MRNIP: variants seen among roughly 807,000 people sequenced by gnomAD.
The protein encoded by MRNIP is MRN complex-interacting protein.
Under a neutral mutation model 29.8 loss-of-function variants are expected in MRNIP, and 30 were observed. That is an observed-to-expected ratio of 1.01 (90% CI 0.75 to 1.36). MRNIP has a LOEUF of 1.36. Among genes scored for constraint, MRNIP ranks in the 40% most tolerant of loss-of-function variants. The pLI is 0.00. For missense variants in MRNIP, 459 were observed against 423.5 expected (o/e 1.08, Z -0.74); for synonymous variants, 201 against 164.1 (o/e 1.23, Z -1.72).
intron 1 of MRNIP, among the ~76,000 whole-genome samples, chr5:179,854,019 ATTT>A (rs543395166): frequency 1.2e-4 from 14 of 121,196 alleles, no homozygotes; most frequent in Admixed American, 1.7e-4. Context: ...GCCTGAAATA[ATTT>A]TTTTTTTTTT....
At chr5:179,843,081 G>GGGAGGCAGGCAA (rs1554093140) in intron 4 of MRNIP, among the ~76,000 whole-genome samples, 7 of 146,080 alleles carry the variant, frequency 4.8e-5, no homozygotes, top group Non-Finnish European at 1.1e-4. Context: ...GAGGGAGGGA[G>GGGAGGCAGGCAA]GCAGGCAAGC....
At chr5:179,858,601 C>T (rs1759703408) in intron 1 of MRNIP, 130 bp downstream of exon 1, 2 of 605,300 alleles carry the variant, frequency 3.3e-6, no homozygotes, top group South Asian at 2.2e-5. Context: ...GAGACCCGCC[C>T]TCAGCGGTCC....
chr5:179,846,503 G>C (rs577171326), intron 3 of MRNIP, among the ~76,000 whole-genome samples: 1 of 151,962 alleles, frequency 6.6e-6, no homozygotes, highest in South Asian at 2.1e-4. Context: ...GGATGGTCTC[G>C]ATCTCTTGAC....
intron 2 of MRNIP, 131 bp from the exon 3 acceptor site, chr5:179,848,197 C>A: frequency 1.4e-6 from 1 of 702,540 alleles, no homozygotes; most frequent in South Asian, 1.5e-5. Context: ...AAGCAGCATG[C>A]AGGAATCCTA....
intron 6 of MRNIP, 52 bp downstream of exon 6, chr5:179,840,820 A>T: frequency 8.1e-7 from 1 of 1,233,416 alleles, no homozygotes; most frequent in Non-Finnish European, 1.2e-6. Flanking sequence ...CAGAATTATC[A>T]CACACACGCT....
At chr5:179,850,765 G>A (rs983243264) in intron 2 of MRNIP, among the ~76,000 whole-genome samples, 4 of 152,188 alleles carry the variant, frequency 2.6e-5, no homozygotes, top group Admixed American at 6.5e-5. Context: ...CATTCTTCCC[G>A]AAAACTAGAT....
intron 1 of MRNIP, among the ~76,000 whole-genome samples, chr5:179,855,927 G>C (rs979996776): frequency 5.4e-5 from 2 of 37,188 alleles, no homozygotes; most frequent in Admixed American, 2.7e-4. Context: ...TTTTTTTTTT[G>C]AGACAGAGTC....
At chr5:179,843,417 C>G (rs973040110) in intron 4 of MRNIP, among the ~76,000 whole-genome samples, 1 of 152,078 alleles carries the variant, frequency 6.6e-6, no homozygotes, top group Admixed American at 6.6e-5. Context: ...GCACAGGTAC[C>G]AGAAGAGCAT....
intron 2 of MRNIP, among the ~76,000 whole-genome samples, chr5:179,852,505 G>A (rs1759415497): frequency 6.6e-6 from 1 of 152,102 alleles, no homozygotes; most frequent in South Asian, 2.1e-4. Context: ...AGGTGCTGCG[G>A]ATACACCAGC....
chr5:179,853,502 C>G, intron 1 of MRNIP, 65 bp from the exon 2 acceptor site: 6 of 1,360,196 alleles, frequency 4.4e-6, no homozygotes, highest in Non-Finnish European at 6.2e-6. Flanking sequence ...TTGGGCTGGA[C>G]TCGGTGGCTC....
chr5:179,842,523 AAAAC>A (rs893854837), intron 4 of MRNIP, among the ~76,000 whole-genome samples: 1 of 150,106 alleles, frequency 6.7e-6, no homozygotes, highest in African/African-American at 2.5e-5. Context: ...TACTAAAAAA[AAAAC>A]AACAACAAAA....
intron 4 of MRNIP, among the ~76,000 whole-genome samples, chr5:179,843,311 G>T (rs1273285184): frequency 6.6e-6 from 1 of 152,082 alleles, no homozygotes; most frequent in African/African-American, 2.4e-5. Flanking sequence ...CCGCAGCACA[G>T]AAGAATGATA....
At chr5:179,838,086 C>A (rs1212630928) in intron 6 of MRNIP, 4 of 597,700 alleles carry the variant, frequency 6.7e-6, no homozygotes, top group Non-Finnish European at 1.2e-5. Flanking sequence ...AAACCTTCTG[C>A]TAAATTGCAT....
At chr5:179,849,198 G>A (rs927736952) in intron 2 of MRNIP, among the ~76,000 whole-genome samples, 73 of 145,564 alleles carry the variant, frequency 5.0e-4, no homozygotes, top group Non-Finnish European at 9.7e-4. Flanking sequence ...CAGATGGTAC[G>A]AGACGGAATT....
intron 1 of MRNIP, 112 bp from the exon 2 acceptor site, chr5:179,853,549 A>T (rs1452004863): frequency 2.6e-6 from 2 of 776,310 alleles, no homozygotes; most frequent in Non-Finnish European, 4.2e-6. Context: ...CGAGGCGGGC[A>T]GATCACAAGG....
chr5:179,853,821 T>A (rs577151614), intron 1 of MRNIP, among the ~76,000 whole-genome samples: 1 of 152,158 alleles, frequency 6.6e-6, no homozygotes, highest in Non-Finnish European at 1.5e-5. Flanking sequence ...ATCTGAAATT[T>A]TTTTTTTTTA....
At chr5:179,848,973 C>G (rs181825589) in intron 2 of MRNIP, among the ~76,000 whole-genome samples, 1 of 152,086 alleles carries the variant, frequency 6.6e-6, no homozygotes, top group African/African-American at 2.4e-5. Flanking sequence ...AGCATGGGTC[C>G]TGCTATGGCA....
At chr5:179,842,891 G>A (rs1297486310) in intron 4 of MRNIP, among the ~76,000 whole-genome samples, 1 of 151,628 alleles carries the variant, frequency 6.6e-6, no homozygotes, top group African/African-American at 2.4e-5. Context: ...AAATTAGCCG[G>A]GCGTGGTGGT....
chr5:179,845,599 G>A (rs1214028776), intron 3 of MRNIP, among the ~76,000 whole-genome samples: 4 of 151,618 alleles, frequency 2.6e-5, no homozygotes, highest in Non-Finnish European at 4.4e-5. Flanking sequence ...AGGCTCAAGC[G>A]ATTCTTATGC....
Sources: gnomAD v4.1 joint callset for allele counts (sites outside exome capture counted in the v4.1 genomes callset) on GRCh38, gnomAD v4.1.1 for gene constraint, MANE v1.5 for transcripts, NCBI Gene and HGNC (gene_info 2026-07-23, HGNC 2026-07-21) for gene names.